The following DLGAP3 variants were observed in gnomAD, a reference collection of about 807,000 sequenced individuals.
DLGAP3 encodes DLG associated protein 3.
DLGAP3 carries 17 observed loss-of-function variants against 81.2 expected under a neutral mutation model. The observed-to-expected ratio is 0.21, with a 90% CI of 0.14 to 0.31. DLGAP3 has a LOEUF of 0.31. Among genes scored for constraint, DLGAP3 ranks in the 10% least tolerant of loss-of-function variants. The pLI, the probability that DLGAP3 is intolerant of heterozygous loss-of-function variation, is 1.00. For synonymous variants in DLGAP3, 577 were observed against 587.4 expected, an observed-to-expected ratio of 0.98 and a Z score of 0.26; for missense variants, 1,124 against 1,388.0, an observed-to-expected ratio of 0.81 and a Z score of 3.02.
chr1:34,866,472 G>C (rs2064900), intron 11 of DLGAP3, among the ~76,000 whole-genome samples, 171 bp from the exon 12 acceptor site: 4,466 of 152,276 alleles, frequency 0.029, 103 homozygotes, highest in Non-Finnish European at 0.044. Flanking sequence ...CTCCTGTTCC[G>C]ACAAGGTCAA....
chr1:34,900,799 A>T lies in DLGAP3; in HGVS notation c.1108-526T>A, dbSNP rs1402032762. Among the ~76,000 whole-genome samples, 1 of 152,194 alleles carries T rather than the reference A, an allele frequency of 6.6e-6. No individual in the cohort carries two copies. The highest frequency in any genetic ancestry group is 1.5e-5 in the Non-Finnish European group (1 of 68,034). ...GGGCCAGGAGCAGGGCAGAGGCTCA[A>T]GTGGCGAGAGGACGACCAATTAGGA... On this transcript the variant is annotated intron_variant, in intron 3 of 11. Transcript: ENST00000373347. This position sits in a 1 kb window ranked among gnomAD's most constrained non-coding sequence, Gnocchi z 5.6.
chr1:34,900,067 C>T lies in DLGAP3; in HGVS notation c.1313+1G>A. 1 of 1,612,770 alleles carries T rather than the reference C, an allele frequency of 6.2e-7. No individual in the cohort carries two copies. Among genetic ancestry groups the T allele is most frequent in the East Asian group, 2.2e-5 (1 of 44,878 alleles). ...CACCCCCCGGCCCTCCCTGTCCTTACTTGATCCTGGCCTGGTCCACGCTGG... is the reference window on the plus strand; with the variant it reads ...CACCCCCCGGCCCTCCCTGTCCTTATTTGATCCTGGCCTGGTCCACGCTGG... On this transcript the variant is annotated splice_donor_variant, in intron 4 of 11. Transcript: ENST00000373347. LOFTEE classifies it high-confidence loss of function. This position sits in a 1 kb window ranked among gnomAD's most constrained non-coding sequence, Gnocchi z 5.6.
chr1:34,910,555 C>T (rs189531996), intron 1 of DLGAP3, among the ~76,000 whole-genome samples: 7 of 152,198 alleles, frequency 4.6e-5, no homozygotes, highest in Admixed American at 3.3e-4. Context: ...GCTTTCTCTG[C>T]GGCAGCCAGG....
chr1:34,904,550 C>A lies in DLGAP3; in HGVS notation c.834G>T (p.Arg278Ser). 4 of 1,614,110 alleles carry A rather than the reference C, an allele frequency of 2.5e-6. No homozygotes were observed. The highest frequency in any genetic ancestry group is 3.4e-6 in the Non-Finnish European group (4 of 1,179,948). Residue 278 changes from arginine to serine, a missense_variant, in exon 3 of 12, where the codon AGG becomes AGT. By Grantham distance (110) the Arg-to-Ser change is moderately radical (BLOSUM62 -1). Transcript: ENST00000373347. This position sits in a 1 kb window ranked among gnomAD's most constrained non-coding sequence, Gnocchi z 8.1. ...AGGGACCACCAGGCTCCCCAGGGGGCCTCCCACCCGCCAGGAAGCCGCTAT... is the reference window on the plus strand; with the variant it reads ...AGGGACCACCAGGCTCCCCAGGGGGACTCCCACCCGCCAGGAAGCCGCTAT... Reference protein sequence around the residue: ...DSDSGFLAGGRPPGEPGGPFC... With the variant: ...DSDSGFLAGGSPPGEPGGPFC...
intron 1 of DLGAP3, among the ~76,000 whole-genome samples, chr1:34,909,626 A>T (rs1639611012): frequency 6.6e-6 from 1 of 152,188 alleles, no homozygotes. Flanking sequence ...TGGGAGCAGG[A>T]GATATCCAAT....
chr1:34,908,542 ACT>A, intron 1 of DLGAP3, among the ~76,000 whole-genome samples: 1 of 152,214 alleles, frequency 6.6e-6, no homozygotes, highest in Admixed American at 6.5e-5. Flanking sequence ...AAGGAAGACG[ACT>A]CTGAAGTTTG....
intron 1 of DLGAP3, among the ~76,000 whole-genome samples, chr1:34,914,397 C>T (rs1310536359): frequency 6.6e-6 from 1 of 152,170 alleles, no homozygotes; most frequent in Non-Finnish European, 1.5e-5. Flanking sequence ...CTCCAGGGGC[C>T]TTCTTTGGAG....
rs1052301996 is a variant in DLGAP3 at position 34,867,894 on chromosome 1, C to T, written c.2486-267G>A. Among the ~76,000 whole-genome samples the T allele has an allele frequency of 4.6e-5, 7 of 152,170 alleles. No individual in the cohort carries two copies. The highest frequency in any genetic ancestry group is 2.1e-4 in the South Asian group (1 of 4,824). ...ATCCTTCTTTATCCTTTCTCCCTCC[C>T]GTATCAGAGAACAGACGGAAACCAG... On this transcript the variant is annotated intron_variant, in intron 9 of 11. Coordinates refer to ENST00000373347, the MANE Select transcript of DLGAP3 (RefSeq NM_001080418.3). This position sits in a 1 kb window ranked among gnomAD's most constrained non-coding sequence, Gnocchi z 4.3.
intron 5 of DLGAP3, among the ~76,000 whole-genome samples, chr1:34,897,707 G>T (rs1639399704): frequency 6.6e-6 from 1 of 152,216 alleles, no homozygotes; most frequent in Non-Finnish European, 1.5e-5. Flanking sequence ...ATGAAGTGGA[G>T]CAAGAGCAAA....
At chr1:34,927,762 T>C (rs897920584) in intron 1 of DLGAP3, among the ~76,000 whole-genome samples, 2 of 146,686 alleles carry the variant, frequency 1.4e-5, no homozygotes, top group Non-Finnish European at 3.0e-5. Flanking sequence ...ATTCAGGGAA[T>C]GCTGCGCAGT....
At chr1:34,926,116 ATATGCAAGCC>A (rs1255042127) in intron 1 of DLGAP3, among the ~76,000 whole-genome samples, 20 of 152,340 alleles carry the variant, frequency 1.3e-4, no homozygotes, top group African/African-American at 4.8e-4. Flanking sequence ...CCACGCAATC[ATATGCAAGCC>A]TATGTAACCA....
chr1:34,884,914 C>G lies in DLGAP3; in HGVS notation c.2000+64G>C. The G allele has an allele frequency of 2.4e-6, 3 of 1,228,106 alleles. No individual in the cohort carries two copies. The South Asian group carries it at 3.6e-5, about 15-fold the overall frequency. The allele number at this position is 1,228,106 out of a possible 1,614,324, so 76.1% of individuals were successfully genotyped here. A position where few individuals can be genotyped will look rare whatever the true frequency, so the allele number is the denominator to read the frequency against. On this transcript the variant is annotated intron_variant, in intron 8 of 11. Transcript: ENST00000373347. ...TGCAGGGAGACTGGGCTAGTGGGGA[C>G]ACTATGCAGCCCTCTCTCCTCCTGT...
chr1:34,897,984 T>C (rs546059108), intron 5 of DLGAP3, among the ~76,000 whole-genome samples: 41 of 152,308 alleles, frequency 2.7e-4, no homozygotes, highest in African/African-American at 9.1e-4. Context: ...GAGCAGCAAC[T>C]GCGGCAGCCA....
rs572247279 is a variant in DLGAP3 at position 34,919,840 on chromosome 1, C to T, written c.-135+9611G>A. 2.6e-5 allele frequency among the ~76,000 whole-genome samples: 4 copies of T among 152,196 alleles called. No homozygotes were observed. In the South Asian group the frequency reaches 6.2e-4, roughly 24 times the overall value. On this transcript the variant is annotated intron_variant, in intron 1 of 11. Coordinates refer to ENST00000373347, the MANE Select transcript of DLGAP3 (RefSeq NM_001080418.3). Reference sequence around the variant, plus strand: ...ACTCAGAGAAATTACTCCCCTACTGCCAGACCAAAAAATGTGTTATACAAA... The same window carrying T: ...ACTCAGAGAAATTACTCCCCTACTGTCAGACCAAAAAATGTGTTATACAAA...
At chr1:34,901,553 G>T (rs1047716310) in intron 3 of DLGAP3, among the ~76,000 whole-genome samples, 6 of 152,174 alleles carry the variant, frequency 3.9e-5, no homozygotes, top group African/African-American at 4.8e-5. Flanking sequence ...CTGCGAGTTG[G>T]TCATGATACT....
Position 34,900,415 on chromosome 1 carries a change from T to C in DLGAP3, c.1108-142A>G, listed in dbSNP as rs1480677529. 2.3e-6 allele frequency: 2 copies of C among 857,442 alleles called. No homozygotes were observed. Among genetic ancestry groups the C allele is most frequent in the Non-Finnish European group, 3.8e-6 (2 of 525,272 alleles). The allele number at this position is 857,442 out of a possible 1,614,324, so 53.1% of individuals were successfully genotyped here. The stretch of plus-strand genomic sequence containing the variant: ...GTACATGCAGAGGCAGAAGGGGAGG[T>C]AGGGTCTCAGGCTGTCCCCGTCCCT... On this transcript the variant is annotated intron_variant, in intron 3 of 11. Coordinates refer to ENST00000373347, the MANE Select transcript of DLGAP3 (RefSeq NM_001080418.3). The surrounding 1 kb of genome is among the most constrained non-coding windows in gnomAD (Gnocchi z 5.6).
At chr1:34,875,264 C>G (rs562460082) in intron 8 of DLGAP3, among the ~76,000 whole-genome samples, 1 of 152,302 alleles carries the variant, frequency 6.6e-6, no homozygotes, top group South Asian at 2.1e-4. Context: ...AAAGGGTAGG[C>G]AGGTCTTCCT....
At position 34,885,763 on chromosome 1, in the gene DLGAP3, G is replaced by A; in HGVS notation, c.1629C>T (p.Pro543=). ...GCGGGGCCTGGCTTCCCGGCGGGAT[G>A]GGGGGCGGGGCCTTTCTGAAGTTGA... ...SSFNFRKAPP[P]IPPGSQAPPR... is the part of the protein sequence containing the mutation. Residue 543 remains proline, a synonymous_variant, in exon 7 of 12, where the codon CCC becomes CCT. Coordinates refer to ENST00000373347, the MANE Select transcript of DLGAP3 (RefSeq NM_001080418.3). 1.4e-6 allele frequency: 2 copies of A among 1,410,850 alleles called. No individual in the cohort carries two copies. Among genetic ancestry groups the A allele is most frequent in the Non-Finnish European group, 1.8e-6 (2 of 1,090,974 alleles). 87.4% of individuals were successfully genotyped at this position (1,410,850 alleles called of 1,614,324 possible).
rs754841934 is a variant in DLGAP3, at chr1:34,905,236, G to A, written c.148C>T (p.Pro50Ser). ...AFSTEPRFCA[P>S]RAGLGHISPE... The stretch of plus-strand genomic sequence containing the variant: ...GAAATGTGTCCCAGGCCAGCTCTCG[G>A]GGCACAGAAGCGGGGCTCGGTGGAG... Residue 50 changes from proline to serine, a missense_variant, in exon 3 of 12, where the codon CCG becomes TCG. By Grantham distance (74) the Pro-to-Ser change is moderately conservative. Transcript: ENST00000373347. 9 of 1,596,954 alleles carry A rather than the reference G, an allele frequency of 5.6e-6. No individual in the cohort carries two copies. The highest frequency in any genetic ancestry group is 1.3e-5 in the African/African-American group (1 of 74,696).
Sources: gnomAD v4.1 joint callset for allele counts (sites outside exome capture counted in the v4.1 genomes callset) on GRCh38, gnomAD v4.1.1 for gene constraint, Gnocchi (gnomAD v3.1) non-coding constraint, MANE v1.5 for transcripts, NCBI Gene and HGNC (gene_info 2026-07-23, HGNC 2026-07-21) for gene names.